NOTCH2: variants seen among roughly 807,000 people sequenced by gnomAD.
The protein encoded by NOTCH2 is notch receptor 2, also known as neurogenic locus notch homolog protein 2.
NOTCH2 carries 29 observed loss-of-function variants against 235.8 expected under a neutral mutation model. That is an observed-to-expected ratio of 0.12 (90% CI 0.09 to 0.17). NOTCH2 has a LOEUF of 0.17. Among genes scored for constraint, NOTCH2 ranks in the 10% least tolerant of loss-of-function variants. NOTCH2 has a pLI of 1.00. For synonymous variants in NOTCH2, 1,086 were observed against 1,141.5 expected (o/e 0.95, Z 0.98); for missense variants, 2,285 against 3,150.2 (o/e 0.73, Z 6.57).
At position 120,005,348 on chromosome 1, in the gene NOTCH2, G is replaced by C. The variant is rs1553206110; in HGVS notation, c.396C>G (p.Thr132=). The C allele has an allele frequency of 1.9e-6, 3 of 1,614,064 alleles. No individual in the cohort carries two copies. Among genetic ancestry groups the C allele is most frequent in the Non-Finnish European group, 1.7e-6 (2 of 1,179,882 alleles). Residue 132 remains threonine (T), a synonymous_variant, in exon 3 of 34, where the codon ACC becomes ACG. Transcript: ENST00000256646. ...AGTTACCTGTAAACCCGACTTGACAGGTGCACTCATAGGTATCCCGGCTGA... is the reference window on the plus strand; with the variant it reads ...AGTTACCTGTAAACCCGACTTGACACGTGCACTCATAGGTATCCCGGCTGA... The part of the protein sequence containing the change: ...HMLSRDTYEC[T]CQVGFTGKEC...
At position 120,032,451 on chromosome 1, in the gene NOTCH2, A is replaced by G. The variant is rs587648512; in HGVS notation, c.74-2464T>C. On this transcript the variant is annotated intron_variant, in intron 1 of 33. Coordinates refer to ENST00000256646, the MANE Select transcript of NOTCH2 (RefSeq NM_024408.4). ...AGGTTCAGAGAAATACAAATAACCC[A>G]AAGTCAATATGTAGCAATCAATCTA... Among the ~76,000 whole-genome samples the G allele has an allele frequency of 1.6e-4, 22 of 140,848 alleles. No individual in the cohort carries two copies. In the East Asian group the frequency reaches 4.1e-3, roughly 26 times the overall value. 92.4% of individuals were successfully genotyped at this position (140,848 alleles called of 152,430 possible).
Position 119,921,734 on chromosome 1 carries a change from C to T in NOTCH2, c.5289G>A (p.Gly1763=), listed in dbSNP as rs1649290201. ...GTSEHWVDDE[G]PQPKKVKAED... ...TCACCTTTACTTTCTTTGGCTGGGG[C>T]CCTTCATCATCGACCCAGTGTTCAC... is the stretch of plus-strand genomic sequence containing the variant. The change falls in exon 29 of 34, where the codon GGG becomes GGA. Residue 1763 remains glycine (G), a synonymous_variant. Transcript: ENST00000256646. 2.5e-6 allele frequency: 4 copies of T among 1,614,090 alleles called. No homozygotes were observed. Among genetic ancestry groups the T allele is most frequent in the Non-Finnish European group, 3.4e-6 (4 of 1,179,968 alleles).
Position 119,967,608 on chromosome 1 carries a change from A to T in NOTCH2, c.1278T>A (p.Pro426=), listed in dbSNP as rs1553199845. 16 of 1,613,996 alleles carry T rather than the reference A, an allele frequency of 9.9e-6. No individual in the cohort carries two copies. The highest frequency in any genetic ancestry group is 1.1e-5 in the Non-Finnish European group (13 of 1,179,966). ...VDECAMANSN[P]CEHAGKCVNT... ...TCACACATTTTCCTGCATGCTCACA[A>T]GGATTGCTATTGGCTGAAAGACACA... The change falls in exon 8 of 34, where the codon CCT becomes CCA. Residue 426 remains proline (P), a synonymous_variant. Coordinates refer to ENST00000256646, the MANE Select transcript of NOTCH2 (RefSeq NM_024408.4).
intron 29 of NOTCH2, 47 bp downstream of exon 29, chr1:119,921,666 T>A: frequency 6.6e-7 from 1 of 1,507,416 alleles, no homozygotes; most frequent in Non-Finnish European, 9.2e-7. Context: ...ATTTGAAATG[T>A]AACCAGATAA....
At position 119,921,805 on chromosome 1, in the gene NOTCH2, G is replaced by T. The variant is rs747138507; in HGVS notation, c.5218C>A (p.Leu1740Ile). The T allele has an allele frequency of 1.1e-4, 173 of 1,610,904 alleles. No individual in the cohort carries two copies. Among genetic ancestry groups the T allele is most frequent in the Non-Finnish European group, 1.4e-4 (161 of 1,177,174 alleles). The part of the protein sequence containing the change: ...VGQDAVGLKN[L>I]SVQVSEANLI... ...TTAGCTTCTGAGACTTGCACTGAGA[G>T]ATTTCTAATATGATTATAAAAAGAA... The change falls in exon 29 of 34, where the codon CTC becomes ATC. Residue 1740 changes from leucine to isoleucine, a missense_variant. Transcript: ENST00000256646.
chr1:119,915,738 G>C lies in NOTCH2; in HGVS notation c.6984C>G (p.Cys2328Trp). 6.2e-7 allele frequency: 1 copy of C among 1,608,036 alleles called. No homozygotes were observed. Among genetic ancestry groups the C allele is most frequent in the Non-Finnish European group, 8.5e-7 (1 of 1,175,974 alleles). ...PAGAPQPQSTCPPAVAGPLPT... is the reference protein window; with the variant it reads ...PAGAPQPQSTWPPAVAGPLPT... ...GCAGGGGGCCCGCAACAGCTGGAGG[G>C]CAGGTGGACTGAGGCTGGGGAGCCC... Residue 2328 changes from cysteine (C) to tryptophan (W), a missense_variant, in exon 34 of 34, where the codon TGC (cysteine) becomes TGG (tryptophan). This residue lies in a region of NOTCH2 where 504 missense variants were observed against 538.0 expected (regional missense o/e 0.94). Transcript: ENST00000256646.
At position 119,985,672 on chromosome 1, in the gene NOTCH2, T is replaced by C. The variant is rs587654909; in HGVS notation, c.874+1288A>G. ...ATCCTGTCCAATACTGTAAGGATCA[T>C]TAAAAAGAGAAAAAAAACACAAATT... On this transcript the variant is annotated intron_variant, in intron 5 of 33. Coordinates refer to ENST00000256646, the MANE Select transcript of NOTCH2 (RefSeq NM_024408.4). 4.6e-5 allele frequency among the ~76,000 whole-genome samples: 7 copies of C among 152,288 alleles called. No individual in the cohort carries two copies. The South Asian group carries it at 1.4e-3, about 32-fold the overall frequency.
At chr1:120,047,985 C>T (rs1654861132) in intron 1 of NOTCH2, among the ~76,000 whole-genome samples, 1 of 151,096 alleles carries the variant, frequency 6.6e-6, no homozygotes, top group Non-Finnish European at 1.5e-5. Flanking sequence ...CCAGGCTGGT[C>T]TTGAACTCCT....
intron 20 of NOTCH2, 38 bp from the exon 21 acceptor site, chr1:119,937,504 C>A (rs1553195892): frequency 1.9e-6 from 3 of 1,576,580 alleles, no homozygotes; most frequent in Non-Finnish European, 2.6e-6. Flanking sequence ...CATAGAAGAA[C>A]ATGTGACACA....
intron 2 of NOTCH2, among the ~76,000 whole-genome samples, chr1:120,025,498 A>T (rs1490020935): frequency 2.7e-5 from 4 of 147,292 alleles, no homozygotes; most frequent in Non-Finnish European, 4.5e-5. Flanking sequence ...GTGTCCTAAA[A>T]CCTAGCATCC....
At chr1:119,997,911 T>C (rs1310084699) in intron 3 of NOTCH2, among the ~76,000 whole-genome samples, 1 of 144,934 alleles carries the variant, frequency 6.9e-6, no homozygotes, top group Non-Finnish European at 1.5e-5. Context: ...GAGGCGGAGG[T>C]TGCAGTGAGC....
intron 11 of NOTCH2, among the ~76,000 whole-genome samples, chr1:119,963,141 T>A (rs1212320706): frequency 5.2e-5 from 6 of 114,862 alleles, no homozygotes; most frequent in African/African-American, 1.0e-4. Context: ...AAAGAGAAAA[T>A]ACATTAAAGG....
rs587635905 is a variant in NOTCH2, at chr1:119,975,601, G to A, written c.875-5857C>T. Among the ~76,000 whole-genome samples the A allele has an allele frequency of 1.1e-4, 16 of 149,520 alleles. No homozygotes were observed. In the East Asian group the frequency reaches 3.0e-3, roughly 28 times the overall value. On this transcript the variant is annotated intron_variant, in intron 5 of 33. Transcript: ENST00000256646. Reference sequence around the variant, plus strand: ...GCGGAGGTGGCAGTGATCTGAGATCGTGCCACTGCACTCCAGCCTGGCGAC... The same window carrying A: ...GCGGAGGTGGCAGTGATCTGAGATCATGCCACTGCACTCCAGCCTGGCGAC...
At chr1:119,981,328 G>C (rs779863769) in intron 5 of NOTCH2, among the ~76,000 whole-genome samples, 5 of 152,088 alleles carry the variant, frequency 3.3e-5, no homozygotes, top group Non-Finnish European at 7.4e-5. Context: ...TCCTAGTGTG[G>C]TTATGTGTGG....
chr1:119,937,106 T>C (rs782739628), intron 21 of NOTCH2, among the ~76,000 whole-genome samples, 176 bp downstream of exon 21: 1 of 152,184 alleles, frequency 6.6e-6, no homozygotes, highest in Non-Finnish European at 1.5e-5. Flanking sequence ...TAGGGACCTG[T>C]TAACTTATTG....
At chr1:119,925,260 G>C in intron 25 of NOTCH2, 45 bp downstream of exon 25, 1 of 1,609,804 alleles carries the variant, frequency 6.2e-7, no homozygotes, top group Non-Finnish European at 8.5e-7. Context: ...ACTGAAGTGT[G>C]TTAGTGACAG....
rs1439485865 is a variant in NOTCH2 at position 119,963,425 on chromosome 1, A to G, written c.1915+149T>C. 3 of 787,098 alleles carry G rather than the reference A, an allele frequency of 3.8e-6. No individual in the cohort carries two copies. The African/African-American group carries it at 5.1e-5, about 13-fold the overall frequency. 48.8% of individuals were successfully genotyped at this position (787,098 alleles called of 1,614,324 possible). A position where few individuals can be genotyped will look rare whatever the true frequency, so the allele number is the denominator to read the frequency against. On this transcript the variant is annotated intron_variant, in intron 11 of 33. Coordinates refer to ENST00000256646, the MANE Select transcript of NOTCH2 (RefSeq NM_024408.4). The stretch of plus-strand genomic sequence containing the variant: ...ACTGGCTAGGGCCATTTGCCTTGAG[A>G]CATTTATGTTTGTGGCTTTGGCTGT...
chr1:119,922,678 C>A lies in NOTCH2; in HGVS notation c.4960G>T (p.Ala1654Ser), dbSNP rs758689134. Residue 1654 changes from alanine to serine, a missense_variant, in exon 27 of 34, where the codon GCC (alanine) becomes TCC (serine). Transcript: ENST00000256646. ...GGGTATGACAGGGTCCCCTGTATGG[C>A]GTGAGAGGCCAGGAGAGCTGCTGCT... is the stretch of plus-strand genomic sequence containing the variant. Reference protein sequence around the residue: ...DAAAALLASHAIQGTLSYPLV... With the variant: ...DAAAALLASHSIQGTLSYPLV... The A allele has an allele frequency of 6.2e-7, 1 of 1,614,124 alleles. No individual in the cohort carries two copies. The highest frequency in any genetic ancestry group is 1.1e-5 in the South Asian group (1 of 91,072).
At chr1:119,955,279 A>C (rs782285835) in intron 12 of NOTCH2, 47 bp from the exon 13 acceptor site, 1 of 1,571,754 alleles carries the variant, frequency 6.4e-7, no homozygotes, top group Non-Finnish European at 8.8e-7. Context: ...ATGCTTAGGA[A>C]ATAGACCCAG....
Sources: gnomAD v4.1 joint callset for allele counts (sites outside exome capture counted in the v4.1 genomes callset) on GRCh38, gnomAD v4.1.1 for gene constraint, gnomAD v4.1.1 regional missense constraint, MANE v1.5 for transcripts, NCBI Gene and HGNC (gene_info 2026-07-23, HGNC 2026-07-21) for gene names.